Variants in ZNF578 observed in about 807,000 individuals in gnomAD.
The protein encoded by ZNF578 is Putative chemokine-related protein B42.
A neutral mutation model predicts 8.3 loss-of-function variants in ZNF578; 8 were observed. That is an observed-to-expected ratio of 0.96 (90% CI 0.56 to 1.74). ZNF578 has a LOEUF of 1.74. Ranked by LOEUF, ZNF578 falls within the 40% of genes most tolerant of loss-of-function variation. The pLI, the probability that ZNF578 is intolerant of heterozygous loss-of-function variation, is 0.00. For synonymous variants in ZNF578, 206 were observed against 232.2 expected, an observed-to-expected ratio of 0.89 and a Z score of 1.03; for missense variants, 726 against 707.5, an observed-to-expected ratio of 1.03 and a Z score of -0.30.
rs78720531 is a variant in ZNF578 at position 52,463,701 on chromosome 19, A to C, written c.-122+6743A>C. Among the ~76,000 whole-genome samples, 29 of 152,350 alleles carry C rather than the reference A, an allele frequency of 1.9e-4. 1 individual carries two copies. The East Asian group carries it at 2.9e-3, about 15-fold the overall frequency. Reference sequence around the variant, plus strand: ...CTTACACAACATAAGCTGAATCTGAAACAATATTAACTGGCTGATTAAAAT... The same window carrying C: ...CTTACACAACATAAGCTGAATCTGACACAATATTAACTGGCTGATTAAAAT... On this transcript the variant is annotated intron_variant, in intron 2 of 5. Coordinates refer to ENST00000421239, the MANE Select transcript of ZNF578 (RefSeq NM_001099694.2).
chr19:52,496,854 C>T (rs1414380889), intron 3 of ZNF578, among the ~76,000 whole-genome samples: 2 of 151,784 alleles, frequency 1.3e-5, no homozygotes, highest in African/African-American at 2.4e-5. Context: ...TCAGGCTGGT[C>T]TTGAACACCT....
chr19:52,467,137 A>G (rs1000372734), intron 2 of ZNF578, among the ~76,000 whole-genome samples: 12 of 151,736 alleles, frequency 7.9e-5, no homozygotes, highest in Admixed American at 7.9e-4. Flanking sequence ...CAGCCTCCCA[A>G]ATAGCTGGGA....
At position 52,493,766 on chromosome 19, in the gene ZNF578, A is replaced by G. The variant is rs544060220; in HGVS notation, c.-20+2341A>G. On this transcript the variant is annotated intron_variant, in intron 3 of 5. Coordinates refer to ENST00000421239, the MANE Select transcript of ZNF578 (RefSeq NM_001099694.2). The stretch of plus-strand genomic sequence containing the variant: ...AGCAGTTTTGGAGGCTGAAGCGGGC[A>G]GATCACCTGAGGTCCCGAGTTCGAG... 4.6e-5 allele frequency among the ~76,000 whole-genome samples: 7 copies of G among 151,374 alleles called. No homozygotes were observed. The East Asian group carries it at 7.9e-4, about 17-fold the overall frequency.
At chr19:52,480,905 TAATAATA>T (rs1408766925) in intron 2 of ZNF578, among the ~76,000 whole-genome samples, 1 of 59,846 alleles carries the variant, frequency 1.7e-5, no homozygotes, top group Non-Finnish European at 2.6e-5. Context: ...CAAAAGATAA[TAATAATA>T]ATAATAATAA....
intron 5 of ZNF578, 43 bp from the exon 6 acceptor site, chr19:52,510,529 A>G (rs370221990): frequency 3.2e-5 from 48 of 1,490,774 alleles, no homozygotes; most frequent in Non-Finnish European, 4.3e-5. Flanking sequence ...ATGATTTACC[A>G]TCTGCACTTA....
chr19:52,475,055 T>G (rs1340287033), intron 2 of ZNF578: 1 of 186,352 alleles, frequency 5.4e-6, no homozygotes, highest in Admixed American at 5.8e-5. Flanking sequence ...TTCATTACGT[T>G]TGTAAGATTT....
At chr19:52,481,349 G>C (rs2059325818) in intron 2 of ZNF578, among the ~76,000 whole-genome samples, 1 of 152,180 alleles carries the variant, frequency 6.6e-6, no homozygotes, top group Non-Finnish European at 1.5e-5. Flanking sequence ...AGGAACGCGG[G>C]AATTAAAGAC....
At chr19:52,489,877 C>A (rs1350256458) in intron 2 of ZNF578, among the ~76,000 whole-genome samples, 2 of 152,158 alleles carry the variant, frequency 1.3e-5, no homozygotes, top group East Asian at 3.9e-4. Flanking sequence ...AGGATGATCT[C>A]TATCTCCTGA....
intron 2 of ZNF578, among the ~76,000 whole-genome samples, chr19:52,467,234 C>A (rs1568456304): frequency 6.6e-6 from 1 of 152,142 alleles, no homozygotes; most frequent in Non-Finnish European, 1.5e-5. Flanking sequence ...TGGTCTCGAA[C>A]TCTTGACCTC....
chr19:52,482,425 CAG>C (rs1175715501), intron 2 of ZNF578, among the ~76,000 whole-genome samples: 2 of 152,048 alleles, frequency 1.3e-5, no homozygotes, highest in African/African-American at 2.4e-5. Context: ...ATCACGAGGT[CAG>C]GGGTTCGAGA....
In ZNF578 at chr19:52,512,986, C is replaced by A. The variant is rs1568469140; in HGVS notation, c.*832C>A. ...CTTGAGGTCAAGAGTTTGAAACAAG[C>A]ATGGCCAAGAGATGTGAGCCAGTTT... is the stretch of plus-strand genomic sequence containing the variant. On this transcript the variant is annotated 3_prime_UTR_variant, in exon 6 of 6. Coordinates refer to ENST00000421239, the MANE Select transcript of ZNF578 (RefSeq NM_001099694.2). 6.6e-6 allele frequency among the ~76,000 whole-genome samples: 1 copy of A among 151,926 alleles called. No homozygotes were observed.
chr19:52,488,322 A>C (rs1008030805), intron 2 of ZNF578, among the ~76,000 whole-genome samples: 6 of 151,854 alleles, frequency 4.0e-5, no homozygotes, highest in Admixed American at 3.9e-4. Context: ...TGGGAGACAG[A>C]GGTGGGTGGA....
chr19:52,462,222 T>C lies in ZNF578; in HGVS notation c.-122+5264T>C, dbSNP rs190194036. Among the ~76,000 whole-genome samples, 1,205 of 152,318 alleles carry C rather than the reference T, an allele frequency of 7.9e-3. 11 individuals carry two copies. Among genetic ancestry groups the C allele is most frequent in the Middle Eastern group, 0.014 (4 of 294 alleles). On this transcript the variant is annotated intron_variant, in intron 2 of 5. Coordinates refer to ENST00000421239, the MANE Select transcript of ZNF578 (RefSeq NM_001099694.2). ...AACTCTGTGAATGAGCCAGGCTCCA[T>C]CCAGAAAGTAAATGATAGGATACTG...
rs1174762479 is a variant in ZNF578, at chr19:52,512,198, A to G, written c.*44A>G. 6.2e-7 allele frequency: 1 copy of G among 1,610,556 alleles called. No individual in the cohort carries two copies. Among genetic ancestry groups the G allele is most frequent in the South Asian group, 1.1e-5 (1 of 90,700 alleles). ...ACCTTACAAATGTGAAGCATGTGAC[A>G]AAGTTTTCAGTCACAGATCACGCCT... On this transcript the variant is annotated 3_prime_UTR_variant, in exon 6 of 6. Coordinates refer to ENST00000421239, the MANE Select transcript of ZNF578 (RefSeq NM_001099694.2).
At chr19:52,491,690 G>A (rs1436108322) in intron 3 of ZNF578, among the ~76,000 whole-genome samples, 2 of 150,238 alleles carry the variant, frequency 1.3e-5, no homozygotes, top group African/African-American at 5.0e-5. Flanking sequence ...ACCCCAGCAT[G>A]GGCCACAGAG....
chr19:52,464,323 A>G (rs1049286552), intron 2 of ZNF578, among the ~76,000 whole-genome samples: 1 of 152,132 alleles, frequency 6.6e-6, no homozygotes, highest in African/African-American at 2.4e-5. Flanking sequence ...CTCGGGTGTT[A>G]GTCCTCTTTT....
chr19:52,491,814 T>C (rs2059365981), intron 3 of ZNF578, among the ~76,000 whole-genome samples: 1 of 151,966 alleles, frequency 6.6e-6, no homozygotes, highest in Non-Finnish European at 1.5e-5. Flanking sequence ...AAAAGAATAA[T>C]GTTGGATCCC....
At chr19:52,479,852 A>G (rs1048080982) in intron 2 of ZNF578, among the ~76,000 whole-genome samples, 3 of 152,232 alleles carry the variant, frequency 2.0e-5, no homozygotes, top group Non-Finnish European at 4.4e-5. Flanking sequence ...GCCACTTCCA[A>G]TTGACTAATG....
chr19:52,493,800 G>T (rs75119070), intron 3 of ZNF578, among the ~76,000 whole-genome samples: 2 of 151,700 alleles, frequency 1.3e-5, no homozygotes, highest in African/African-American at 4.8e-5. Context: ...AGACCAGCCT[G>T]TCCAACATGG....
Sources: allele counts gnomAD v4.1 joint callset (sites outside exome capture counted in the v4.1 genomes callset), GRCh38; gene constraint gnomAD v4.1.1; transcripts MANE v1.5; gene names NCBI Gene and HGNC (gene_info 2026-07-23, HGNC 2026-07-21).